Variants in QRICH2 observed in about 807,000 individuals in gnomAD.
QRICH2 encodes the protein glutamine rich 2, also known as glutamine-rich protein 2.
Under a neutral mutation model 168.3 loss-of-function variants are expected in QRICH2, and 119 were observed. The observed-to-expected ratio is 0.71, with a 90% CI of 0.61 to 0.82. The LOEUF (loss-of-function observed/expected upper bound fraction) is 0.82, where lower values mean the gene tolerates loss of function less well. QRICH2 is among the 40% of genes least tolerant of loss of function. The pLI is 0.00. For synonymous variants in QRICH2, 894 were observed against 951.2 expected, an observed-to-expected ratio of 0.94 and a Z score of 1.11; for missense variants, 2,241 against 2,491.6, an observed-to-expected ratio of 0.90 and a Z score of 2.14.
Position 76,277,144 on chromosome 17 carries a change from C to CT in QRICH2, c.5265+18dup. ...ATGTCAGGGCCTCCCTCCCTGGTGG[C>CT]TCCAGGCAGGGCCCTGACCTTCATG... On this transcript the variant is annotated intron_variant, in intron 16 of 18. Transcript: ENST00000680821. The CT allele has an allele frequency of 6.5e-7, 1 of 1,534,908 alleles. No homozygotes were observed.
At chr17:76,308,352 G>A (rs1212406705), upstream of QRICH2, 16 of 985,320 alleles carry the variant, frequency 1.6e-5, no homozygotes, top group African/African-American at 1.0e-4. Context: ...GGGGCGGGGG[G>A]AAGTAAAGGC....
Position 76,280,837 on chromosome 17 carries a change from G to A in QRICH2, c.4380C>T (p.Asp1460=), listed in dbSNP as rs2143170722. The part of the protein sequence containing the change: ...LIEDHRQKQK[D]IAMLYQGLEK... ...CCACCCTGCGGCCGCTCACAGCAAT[G>A]TCCTTCTGTTTCTGCCGATGGTCCT... Residue 1460 remains aspartate (D), a synonymous_variant, in exon 9 of 19, where the codon GAC becomes GAT. Transcript: ENST00000680821. The surrounding 1 kb of genome is among the most constrained non-coding windows in gnomAD (Gnocchi z 7.4). 1 of 1,613,978 alleles carries A rather than the reference G, an allele frequency of 6.2e-7. No homozygotes were observed. Among genetic ancestry groups the A allele is most frequent in the African/African-American group, 1.3e-5 (1 of 75,058 alleles).
rs745412333 is a variant in QRICH2, at chr17:76,293,155, G to A, written c.1572C>T (p.Gly524=). 5.6e-6 allele frequency: 9 copies of A among 1,614,222 alleles called. No homozygotes were observed. Among genetic ancestry groups the A allele is most frequent in the Non-Finnish European group, 6.8e-6 (8 of 1,180,034 alleles). Residue 524 remains glycine (G), a synonymous_variant, in exon 4 of 19, where the codon GGC becomes GGT. Transcript: ENST00000680821. Reference sequence around the variant, plus strand: ...GCTGGTCTGTAAAAGGTAGAACCAGGCCATGTTGATCGACGACAGGCAATG... The same window carrying A: ...GCTGGTCTGTAAAAGGTAGAACCAGACCATGTTGATCGACGACAGGCAATG... The part of the protein sequence containing the change: ...GLTLPVVDQH[G]LVLPFTDQHG...
chr17:76,282,125 GGA>G lies in QRICH2; in HGVS notation c.4012-12_4012-11del. 3.8e-6 allele frequency: 6 copies of G among 1,592,346 alleles called. No homozygotes were observed. Among genetic ancestry groups the G allele is most frequent in the Non-Finnish European group, 5.2e-6 (6 of 1,163,574 alleles). On this transcript the variant is annotated splice_polypyrimidine_tract_variant and intron_variant, in intron 7 of 18. Transcript: ENST00000680821. ...TCCTGAGCTTGTCCAACTGCGTGCA[GGA>G]GAGACGGCAGCAGCAGGGCAGTGAG...
In QRICH2 at chr17:76,281,742, G is replaced by A. The variant is rs937771726; in HGVS notation, c.4263+122C>T. The A allele has an allele frequency of 6.6e-5, 83 of 1,258,506 alleles. No individual in the cohort carries two copies. The highest frequency in any genetic ancestry group is 8.7e-5 in the Non-Finnish European group (78 of 894,348). The allele number at this position is 1,258,506 out of a possible 1,614,324, so 78.0% of individuals were successfully genotyped here. ...TTGTGGGATCTGGCTAAAGGGCTCC[G>A]CCACGGAGAGCTGACCTTGAGGCCC... On this transcript the variant is annotated intron_variant, in intron 8 of 18. Coordinates refer to ENST00000680821, the MANE Select transcript of QRICH2 (RefSeq NM_001388453.1). This position sits in a 1 kb window ranked among gnomAD's most constrained non-coding sequence, Gnocchi z 4.4.
rs1412091243 is a variant in QRICH2, at chr17:76,292,519, A to C, written c.2208T>G (p.Asp736Glu). 3 of 1,569,668 alleles carry C rather than the reference A, an allele frequency of 1.9e-6. No homozygotes were observed. The highest frequency in any genetic ancestry group is 3.5e-5 in the Admixed American group (2 of 57,796). Residue 736 changes from aspartate to glutamate, a missense_variant, in exon 4 of 19, where the codon GAT becomes GAG. By Grantham distance (45) the Asp-to-Glu change is conservative (BLOSUM62 2). Transcript: ENST00000680821. ...CACGAGGTTGTGCCAAACCACGCTG[A>C]TCTACTCCAGGTTGGACCAAACCAT... Reference protein sequence around the residue: ...VQHGLVQPGVDQRGLAQPRAD... With the variant: ...VQHGLVQPGVEQRGLAQPRAD...
At chr17:76,289,834 C>T (rs2070954980) in intron 5 of QRICH2, among the ~76,000 whole-genome samples, 158 bp downstream of exon 5, 1 of 151,964 alleles carries the variant, frequency 6.6e-6, no homozygotes, top group South Asian at 2.1e-4. Flanking sequence ...TGCCTGTAAT[C>T]CCAGCTACTC....
Position 76,287,915 on chromosome 17 carries a change from G to A in QRICH2, c.3799-18C>T, listed in dbSNP as rs1485162549. The stretch of plus-strand genomic sequence containing the variant: ...CTTTCCACCTACAAACCCAGTGAAT[G>A]AGGAGGGTCAGGCAGGCCTGAGCTC... On this transcript the variant is annotated intron_variant, in intron 5 of 18. Coordinates refer to ENST00000680821, the MANE Select transcript of QRICH2 (RefSeq NM_001388453.1). The A allele has an allele frequency of 6.2e-7, 1 of 1,603,462 alleles. No individual in the cohort carries two copies. The highest frequency in any genetic ancestry group is 1.3e-5 in the African/African-American group (1 of 74,670).
intron 7 of QRICH2, among the ~76,000 whole-genome samples, chr17:76,285,368 G>A (rs1357222559): frequency 6.6e-6 from 1 of 151,612 alleles, no homozygotes; most frequent in East Asian, 2.0e-4. Flanking sequence ...TCCTGACCTC[G>A]TGATCCACCC....
At chr17:76,290,903 A>G (rs2070974362) in intron 4 of QRICH2, 112 bp downstream of exon 4, 2 of 1,479,944 alleles carry the variant, frequency 1.4e-6, no homozygotes, top group African/African-American at 1.4e-5. Context: ...TGCTGTTTTC[A>G]GGGACTCAGG....
chr17:76,286,032 G>A (rs764831118), intron 7 of QRICH2, among the ~76,000 whole-genome samples: 13 of 151,994 alleles, frequency 8.6e-5, no homozygotes, highest in Admixed American at 2.0e-4. Flanking sequence ...AAAATTAGCC[G>A]GGCGTGGTGG....
chr17:76,290,426 G>C (rs1364982611), intron 4 of QRICH2, among the ~76,000 whole-genome samples: 1 of 152,186 alleles, frequency 6.6e-6, no homozygotes, highest in Non-Finnish European at 1.5e-5. Context: ...CTGTCACCCA[G>C]GCTGGAGTGC....
At position 76,304,466 on chromosome 17, in the gene QRICH2, G is replaced by C. The variant is rs754057777; in HGVS notation, c.654C>G (p.Thr218=). The C allele has an allele frequency of 6.2e-7, 1 of 1,613,816 alleles. No homozygotes were observed. The highest frequency in any genetic ancestry group is 8.5e-7 in the Non-Finnish European group (1 of 1,180,016). The part of the protein sequence containing the change: ...VPGAEEVTMV[T]WEELEQAITD... Reference sequence around the variant, plus strand: ...TAATCGCCTGCTCCAGCTCTTCCCAGGTGACCATGGTGACTTCTTCTGCAC... The same window carrying C: ...TAATCGCCTGCTCCAGCTCTTCCCACGTGACCATGGTGACTTCTTCTGCAC... The change falls in exon 3 of 19, where the codon ACC becomes ACG. Residue 218 remains threonine (T), a synonymous_variant. Coordinates refer to ENST00000680821, the MANE Select transcript of QRICH2 (RefSeq NM_001388453.1).
In QRICH2 at chr17:76,284,774, C is replaced by T. The variant is rs1053374341; in HGVS notation, c.4011+2418G>A. Among the ~76,000 whole-genome samples the T allele has an allele frequency of 1.7e-4, 25 of 150,156 alleles. 1 individual carries two copies. Among genetic ancestry groups the T allele is most frequent in the African/African-American group, 4.9e-4 (20 of 40,858 alleles). On this transcript the variant is annotated intron_variant, in intron 7 of 18. Transcript: ENST00000680821. ...CGGAGGTTGCAGTGAGCTGAGATTG[C>T]GCCACTGCACTCCAGCCTGACAACA...
chr17:76,306,532 G>A (rs1202403865), intron 1 of QRICH2, among the ~76,000 whole-genome samples: 4 of 152,158 alleles, frequency 2.6e-5, no homozygotes. Flanking sequence ...GCTTCCTGCT[G>A]TTCACTGGAC....
At position 76,307,994 on chromosome 17, in the gene QRICH2, G is replaced by A. The variant is rs2071018042; in HGVS notation, c.5C>T (p.Pro2Leu). The A allele has an allele frequency of 8.1e-7, 1 of 1,233,218 alleles. No individual in the cohort carries two copies. 76.4% of individuals were successfully genotyped at this position (1,233,218 alleles called of 1,614,324 possible). A position where few individuals can be genotyped will look rare whatever the true frequency, so the allele number is the denominator to read the frequency against. Reference protein sequence around the residue: MPPATTVSLREL... With the variant: MLPATTVSLREL... Reference sequence around the variant, plus strand: ...CCGGAGGGAGACCGTGGTCGCGGGCGGCATCGTGGCTGTCAGGAGCTGTGC... The same window carrying A: ...CCGGAGGGAGACCGTGGTCGCGGGCAGCATCGTGGCTGTCAGGAGCTGTGC... The change falls in exon 1 of 19, where the codon CCG becomes CTG. Residue 2 changes from proline (P) to leucine (L), a missense_variant. Transcript: ENST00000680821. This position sits in a 1 kb window ranked among gnomAD's most constrained non-coding sequence, Gnocchi z 5.3.
intron 3 of QRICH2, among the ~76,000 whole-genome samples, chr17:76,297,870 G>GTTTTTTTTTTTTTTTTTTTTTTTT (rs1169251679): frequency 1.3e-5 from 1 of 79,476 alleles, no homozygotes; most frequent in Non-Finnish European, 2.3e-5. Flanking sequence ...TTAGGAATCT[G>GTTTTTTTTTTTTTTTTTTTTTTTT]TTTTTTTTTT....
intron 15 of QRICH2, 79 bp from the exon 16 acceptor site, chr17:76,277,389 AC>A: frequency 1.3e-6 from 2 of 1,506,854 alleles, no homozygotes; most frequent in South Asian, 1.2e-5. Context: ...CATGGGGCTG[AC>A]CAGAGGGAAG....
At position 76,291,617 on chromosome 17, in the gene QRICH2, T is replaced by G. The variant is rs1328444155; in HGVS notation, c.3110A>C (p.Asp1037Ala). 1 of 1,614,124 alleles carries G rather than the reference T, an allele frequency of 6.2e-7. No individual in the cohort carries two copies. The highest frequency in any genetic ancestry group is 1.3e-5 in the African/African-American group (1 of 75,020). ...ASQGLASPGI[D>A]RRSLVPPETY... The stretch of plus-strand genomic sequence containing the variant: ...TTCTGGTGGTACCAAACTCCTTCGA[T>G]CTATACCAGGTGATGCCAAACCTTG... Residue 1037 changes from aspartate (D) to alanine (A), a missense_variant, in exon 4 of 19, where the codon GAT becomes GCT. Asp to Ala is a moderately radical substitution (Grantham distance 126). Transcript: ENST00000680821.
Sources: gnomAD v4.1 joint callset for allele counts (sites outside exome capture counted in the v4.1 genomes callset) on GRCh38, gnomAD v4.1.1 for gene constraint, Gnocchi (gnomAD v3.1) non-coding constraint, MANE v1.5 for transcripts, NCBI Gene and HGNC (gene_info 2026-07-23, HGNC 2026-07-21) for gene names.